ZEB2: variants seen among roughly 807,000 people sequenced by gnomAD.
ZEB2 encodes zinc finger E-box-binding homeobox 2.
In ZEB2, 6 loss-of-function variants were observed where a neutral mutation model predicts 99.9. That is an observed-to-expected ratio of 0.06 (90% CI 0.03 to 0.12). The LOEUF (loss-of-function observed/expected upper bound fraction) is 0.12, where lower values mean the gene tolerates loss of function less well. Ranked by LOEUF, ZEB2 falls within the 10% of genes least tolerant of loss-of-function variation. The pLI is 1.00. For synonymous variants in ZEB2, 517 were observed against 542.5 expected (o/e 0.95, Z 0.65); for missense variants, 969 against 1,502.8 (o/e 0.64, Z 5.87).
chr2:144,411,341 A>G (rs1703462271), intron 4 of ZEB2, among the ~76,000 whole-genome samples: 1 of 151,910 alleles, frequency 6.6e-6, no homozygotes, highest in South Asian at 2.1e-4. Flanking sequence ...CACGAAAATT[A>G]TTTTGAATGT....
intron 5 of ZEB2, among the ~76,000 whole-genome samples, chr2:144,404,413 C>A (rs1450926254): frequency 8.0e-5 from 12 of 150,062 alleles, no homozygotes; most frequent in Non-Finnish European, 1.3e-4. Context: ...TGAGGAAATT[C>A]TCTTTAGGTG....
chr2:144,395,753 T>C (rs1473175615), intron 9 of ZEB2, among the ~76,000 whole-genome samples: 1 of 152,204 alleles, frequency 6.6e-6, no homozygotes, highest in African/African-American at 2.4e-5. Context: ...TCTCTACTCA[T>C]AGTGAAGAAT....
rs200879835 is a variant in ZEB2 at position 144,404,145 on chromosome 2, C to CAG, written c.593-17_593-16dup. 8 of 1,603,530 alleles carry CAG rather than the reference C, an allele frequency of 5.0e-6. No homozygotes were observed. Among genetic ancestry groups the CAG allele is most frequent in the Non-Finnish European group, 6.8e-6 (8 of 1,173,516 alleles). On this transcript the variant is annotated splice_polypyrimidine_tract_variant and intron_variant, in intron 5 of 9. Transcript: ENST00000627532. Reference sequence around the variant, plus strand: ...AGGTGGCAGGTCTGTAGCCGAGAGACAGAGAGAGAGAGAAGCGGGCCAAAA... The same window carrying CAG: ...AGGTGGCAGGTCTGTAGCCGAGAGACAGAGAGAGAGAGAGAAGCGGGCCAAAA...
chr2:144,467,519 T>A (rs920758703), intron 2 of ZEB2, among the ~76,000 whole-genome samples: 1 of 152,166 alleles, frequency 6.6e-6, no homozygotes, highest in Non-Finnish European at 1.5e-5. Flanking sequence ...AAATGTTACA[T>A]ACAATTTCTG....
chr2:144,419,765 G>A (rs1703594635), intron 4 of ZEB2, among the ~76,000 whole-genome samples: 3 of 152,048 alleles, frequency 2.0e-5, no homozygotes, highest in Non-Finnish European at 2.9e-5. Context: ...ACGTGTGAAA[G>A]CATTACAATT....
At chr2:144,426,183 A>G (rs779658036) in intron 3 of ZEB2, among the ~76,000 whole-genome samples, 5 of 152,154 alleles carry the variant, frequency 3.3e-5, no homozygotes, top group Non-Finnish European at 5.9e-5. Context: ...ATTCCTGAGC[A>G]AGGAATTTTC....
chr2:144,446,749 T>A (rs1703990626), intron 2 of ZEB2, among the ~76,000 whole-genome samples: 1 of 152,074 alleles, frequency 6.6e-6, no homozygotes, highest in African/African-American at 2.4e-5. Flanking sequence ...ACGCGGTGGC[T>A]CACACCTGTA....
At chr2:144,499,967 G>A (rs921786789) in intron 2 of ZEB2, among the ~76,000 whole-genome samples, 1 of 152,028 alleles carries the variant, frequency 6.6e-6, no homozygotes, top group Non-Finnish European at 1.5e-5. Context: ...GGTACAAATG[G>A]GAGAAAAAAG....
rs1303051204 is a variant in ZEB2, at chr2:144,385,821, A to T, written c.*3630T>A. 2 of 152,226 alleles carry T rather than the reference A, an allele frequency of 1.3e-5. No individual in the cohort carries two copies. The highest frequency in any genetic ancestry group is 4.8e-5 in the African/African-American group (2 of 41,452). The allele number at this position is 152,226 out of a possible 1,614,324, so 9.4% of individuals were successfully genotyped here. A position where few individuals can be genotyped will look rare whatever the true frequency, so the allele number is the denominator to read the frequency against. On this transcript the variant is annotated 3_prime_UTR_variant, in exon 10 of 10. Transcript: ENST00000627532. ...GCTTACATTATTAGAAAGATAAAAA[A>T]TGACCTTTTTAAAAGTTATCTGATT... is the stretch of plus-strand genomic sequence containing the variant.
At chr2:144,505,968 T>C (rs536249560) in intron 2 of ZEB2, among the ~76,000 whole-genome samples, 1 of 152,362 alleles carries the variant, frequency 6.6e-6, no homozygotes, top group Non-Finnish European at 1.5e-5. Flanking sequence ...AAAACCATAA[T>C]AATTTGCAAT....
chr2:144,436,640 A>G (rs1310358974), intron 2 of ZEB2, among the ~76,000 whole-genome samples: 2 of 152,200 alleles, frequency 1.3e-5, no homozygotes, highest in Admixed American at 6.5e-5. Flanking sequence ...TTCAAATTTC[A>G]GTATGCTGGT....
At chr2:144,442,210 G>A (rs1703927127) in intron 2 of ZEB2, among the ~76,000 whole-genome samples, 1 of 152,132 alleles carries the variant, frequency 6.6e-6, no homozygotes, top group African/African-American at 2.4e-5. Context: ...AATTTATTAT[G>A]GTGGAAAATC....
intron 2 of ZEB2, among the ~76,000 whole-genome samples, chr2:144,488,046 G>A (rs1704623943): frequency 6.6e-6 from 1 of 152,170 alleles, no homozygotes; most frequent in Non-Finnish European, 1.5e-5. Flanking sequence ...AGATCACATG[G>A]ATGTATCTAA....
chr2:144,497,276 C>T (rs982836090), intron 2 of ZEB2, among the ~76,000 whole-genome samples: 13 of 152,180 alleles, frequency 8.5e-5, no homozygotes, highest in African/African-American at 2.9e-4. Flanking sequence ...GCACTTGCCA[C>T]ATTTTCATCA....
intron 2 of ZEB2, among the ~76,000 whole-genome samples, chr2:144,444,343 A>C (rs1703956251): frequency 6.6e-6 from 1 of 152,244 alleles, no homozygotes; most frequent in Admixed American, 6.5e-5. Flanking sequence ...TACCAAAAGA[A>C]ATTATTCAAG....
intron 2 of ZEB2, among the ~76,000 whole-genome samples, chr2:144,435,740 C>T (rs1286485316): frequency 6.6e-6 from 1 of 152,092 alleles, no homozygotes; most frequent in East Asian, 1.9e-4. Context: ...CTTACAACGT[C>T]TTTACATGTG....
chr2:144,439,729 C>T (rs1703881700), intron 2 of ZEB2, among the ~76,000 whole-genome samples: 1 of 152,120 alleles, frequency 6.6e-6, no homozygotes, highest in Admixed American at 6.5e-5. Flanking sequence ...CTTTTTGTTC[C>T]TTTCTTGATT....
At chr2:144,437,890 G>A (rs1171323703) in intron 2 of ZEB2, among the ~76,000 whole-genome samples, 3 of 152,100 alleles carry the variant, frequency 2.0e-5, no homozygotes, top group Non-Finnish European at 2.9e-5. Flanking sequence ...AAATAAACAC[G>A]AAATAGAAAA....
At chr2:144,513,115 G>C (rs1355301412) in intron 2 of ZEB2, 17 of 1,286,040 alleles carry the variant, frequency 1.3e-5, no homozygotes, top group Admixed American at 2.3e-5. Context: ...GCACCTCCTG[G>C]AGAAGGGGTT....
Sources: gnomAD v4.1 joint callset for allele counts (sites outside exome capture counted in the v4.1 genomes callset) on GRCh38, gnomAD v4.1.1 for gene constraint, MANE v1.5 for transcripts, NCBI Gene and HGNC (gene_info 2026-07-23, HGNC 2026-07-21) for gene names.